AGBL4: variants seen among roughly 807,000 people sequenced by gnomAD.
AGBL4 encodes the protein cytosolic carboxypeptidase 6.
A neutral mutation model predicts 66.4 loss-of-function variants in AGBL4; 58 were observed. The observed-to-expected ratio is 0.87, with a 90% confidence interval of 0.71 to 1.09. The LOEUF (loss-of-function observed/expected upper bound fraction) is 1.09, where lower values mean the gene tolerates loss of function less well. AGBL4 is among the 50% of genes least tolerant of loss of function. AGBL4 has a pLI of 0.00. For missense variants in AGBL4, 579 were observed against 631.0 expected (o/e 0.92, Z 0.88); for synonymous variants, 234 against 222.9 (o/e 1.05, Z -0.44).
chr1:49,075,398 A>G (rs1269865332), intron 4 of AGBL4, among the ~76,000 whole-genome samples: 1 of 152,186 alleles, frequency 6.6e-6, no homozygotes, highest in Non-Finnish European at 1.5e-5. Flanking sequence ...TGATTCTTAG[A>G]GTCCAAAAAA....
chr1:48,661,878 G>A (rs1280129231), intron 7 of AGBL4, among the ~76,000 whole-genome samples: 1 of 152,174 alleles, frequency 6.6e-6, no homozygotes, highest in Non-Finnish European at 1.5e-5. Context: ...CAAGTAAAGG[G>A]GTTGGTAAAC....
At chr1:49,921,517 C>T (rs1278601346) in intron 1 of AGBL4, among the ~76,000 whole-genome samples, 1 of 152,052 alleles carries the variant, frequency 6.6e-6, no homozygotes, top group Non-Finnish European at 1.5e-5. Flanking sequence ...GATCACAAGG[C>T]AAAGTCCCAC....
intron 3 of AGBL4, among the ~76,000 whole-genome samples, chr1:49,663,063 GAA>G (rs1646300577): frequency 2.6e-5 from 4 of 152,076 alleles, no homozygotes; most frequent in Admixed American, 2.6e-4. Flanking sequence ...GCTTGTGAAA[GAA>G]AGTGGCAAAA....
At chr1:49,830,166 G>T (rs1181610127) in intron 2 of AGBL4, among the ~76,000 whole-genome samples, 2 of 151,978 alleles carry the variant, frequency 1.3e-5, no homozygotes. Context: ...GGTATTTCTG[G>T]TTCTAGATCC....
rs187158480 is a variant in AGBL4, at chr1:49,534,411, A to G, written c.282+162902T>C. The stretch of plus-strand genomic sequence containing the variant: ...AATATCTCCCTGCCCAGGCTATAAT[A>G]TGACCAATTCAGTCAGTGTCTTTGC... On this transcript the variant is annotated intron_variant, in intron 3 of 13. Transcript: ENST00000371839. Among the ~76,000 whole-genome samples, 321 of 152,286 alleles carry G rather than the reference A, an allele frequency of 2.1e-3. 1 individual carries two copies. The highest frequency in any genetic ancestry group is 3.1e-3 in the Non-Finnish European group (211 of 68,030).
At chr1:49,049,350 C>G (rs1011200869) in intron 4 of AGBL4, among the ~76,000 whole-genome samples, 15 of 152,056 alleles carry the variant, frequency 9.9e-5, no homozygotes, top group African/African-American at 3.6e-4. Flanking sequence ...CAGCTCTTCT[C>G]TAAAGCCTTC....
intron 3 of AGBL4, among the ~76,000 whole-genome samples, chr1:49,477,783 C>T (rs1646875648): frequency 6.6e-6 from 1 of 151,808 alleles, no homozygotes; most frequent in Non-Finnish European, 1.5e-5. Flanking sequence ...TTCAAAATCA[C>T]TGTTTTGAGG....
intron 3 of AGBL4, among the ~76,000 whole-genome samples, chr1:49,341,721 G>A (rs958987880): frequency 2.0e-5 from 3 of 152,174 alleles, no homozygotes; most frequent in Non-Finnish European, 2.9e-5. Context: ...CCCAAAGGGG[G>A]AAATTTAAGA....
chr1:49,575,652 A>C (rs1644421529), intron 3 of AGBL4, among the ~76,000 whole-genome samples: 1 of 152,222 alleles, frequency 6.6e-6, no homozygotes, highest in Non-Finnish European at 1.5e-5. Context: ...TGGCGACTCC[A>C]ATTGCAGCTG....
intron 3 of AGBL4, among the ~76,000 whole-genome samples, chr1:49,503,110 C>T (rs187130506): frequency 1.3e-5 from 2 of 152,134 alleles, no homozygotes; most frequent in Non-Finnish European, 2.9e-5. Context: ...TTGCTGTGTG[C>T]AGCCTTGGGA....
chr1:49,464,032 G>A (rs1646572275), intron 3 of AGBL4, among the ~76,000 whole-genome samples: 1 of 151,648 alleles, frequency 6.6e-6, no homozygotes, highest in Non-Finnish European at 1.5e-5. Flanking sequence ...ATACAAAGAT[G>A]ACTGAGAGAC....
At chr1:49,771,585 G>T (rs1459964548) in intron 2 of AGBL4, among the ~76,000 whole-genome samples, 2 of 152,030 alleles carry the variant, frequency 1.3e-5, no homozygotes, top group African/African-American at 4.8e-5. Context: ...ATTGTTAAAA[G>T]CGGGTTATTA....
chr1:49,222,409 CT>C (rs1302037584), intron 4 of AGBL4, among the ~76,000 whole-genome samples: 1 of 152,204 alleles, frequency 6.6e-6, no homozygotes. Context: ...CACAAATTTC[CT>C]GAACTTATAA....
intron 5 of AGBL4, among the ~76,000 whole-genome samples, chr1:48,974,450 G>A (rs1659155946): frequency 6.6e-6 from 1 of 152,162 alleles, no homozygotes; most frequent in Non-Finnish European, 1.5e-5. Flanking sequence ...CACACTGGGA[G>A]AAGTGTACAA....
intron 6 of AGBL4, among the ~76,000 whole-genome samples, chr1:48,725,552 A>C (rs1647223510): frequency 6.6e-6 from 1 of 152,186 alleles, no homozygotes; most frequent in African/African-American, 2.4e-5. Context: ...GGTTTCCCCT[A>C]AACATGTCCT....
At chr1:48,556,296 C>T (rs1644320025) in intron 11 of AGBL4, among the ~76,000 whole-genome samples, 1 of 152,134 alleles carries the variant, frequency 6.6e-6, no homozygotes, top group Admixed American at 6.5e-5. Flanking sequence ...TCCATTCTCA[C>T]TCCCCCACAC....
At chr1:49,528,560 T>C (rs1650850349) in intron 3 of AGBL4, among the ~76,000 whole-genome samples, 1 of 152,038 alleles carries the variant, frequency 6.6e-6, no homozygotes, top group Admixed American at 6.6e-5. Flanking sequence ...AAATTACTTA[T>C]TAACCTATAG....
chr1:49,284,802 C>A (rs578045675), intron 3 of AGBL4, among the ~76,000 whole-genome samples: 2 of 151,028 alleles, frequency 1.3e-5, no homozygotes, highest in African/African-American at 2.4e-5. Context: ...GTAAAGGGAT[C>A]AATTCAACAA....
At chr1:49,648,554 C>T (rs1645937520) in intron 3 of AGBL4, among the ~76,000 whole-genome samples, 2 of 152,036 alleles carry the variant, frequency 1.3e-5, no homozygotes, top group South Asian at 4.1e-4. Context: ...GAAAATTAAA[C>T]ATAAGCTTAT....
Sources: gnomAD v4.1 joint callset for allele counts (sites outside exome capture counted in the v4.1 genomes callset) on GRCh38, gnomAD v4.1.1 for gene constraint, MANE v1.5 for transcripts, NCBI Gene and HGNC (gene_info 2026-07-23, HGNC 2026-07-21) for gene names.